Variants in GMDS observed in about 807,000 individuals in gnomAD.
The protein encoded by GMDS is GDP-mannose 4,6 dehydratase.
GMDS carries 20 observed loss-of-function variants against 49.9 expected under a neutral mutation model. The ratio of observed to expected loss-of-function variants is 0.40; its 90% CI spans 0.28 to 0.58. GMDS has a LOEUF of 0.58. Ranked by LOEUF, GMDS falls within the 20% of genes least tolerant of loss-of-function variation. The pLI is 0.42. For synonymous variants in GMDS, 177 were observed against 178.6 expected (o/e 0.99, Z 0.07); for missense variants, 362 against 481.4 (o/e 0.75, Z 2.32).
chr6:1,883,691 C>A (rs545261008), intron 7 of GMDS, among the ~76,000 whole-genome samples: 1 of 152,084 alleles, frequency 6.6e-6, no homozygotes, highest in East Asian at 1.9e-4. Flanking sequence ...CAGCTCCCCT[C>A]GTACTGAAAG....
intron 7 of GMDS, among the ~76,000 whole-genome samples, chr6:1,840,387 A>G (rs1757103807): frequency 6.6e-6 from 1 of 152,210 alleles, no homozygotes; most frequent in Admixed American, 6.5e-5. Flanking sequence ...AGTGTTAAAT[A>G]AACCCAGCAG....
intron 4 of GMDS, among the ~76,000 whole-genome samples, chr6:2,001,281 G>T (rs1261569537): frequency 6.6e-6 from 1 of 152,076 alleles, no homozygotes; most frequent in Non-Finnish European, 1.5e-5. Context: ...TTGGTCATTT[G>T]TAAATCTTTT....
chr6:1,802,212 C>T (rs548996137), intron 7 of GMDS, among the ~76,000 whole-genome samples: 54 of 152,314 alleles, frequency 3.5e-4, no homozygotes, highest in African/African-American at 1.3e-3. Flanking sequence ...TGAGAATTTA[C>T]ATTTCCCATA....
At chr6:1,736,317 G>A (rs2113468968) in intron 8 of GMDS, among the ~76,000 whole-genome samples, 1 of 152,292 alleles carries the variant, frequency 6.6e-6, no homozygotes, top group East Asian at 1.9e-4. Flanking sequence ...AGATTTCCAG[G>A]AGGGAGGTAG....
chr6:1,765,040 TC>T (rs1006779120), intron 7 of GMDS, among the ~76,000 whole-genome samples: 3 of 151,824 alleles, frequency 2.0e-5, no homozygotes, highest in African/African-American at 7.3e-5. Flanking sequence ...CACATTTTTT[TC>T]CCCCCAGTGT....
At chr6:1,751,540 C>G (rs1767733301) in intron 7 of GMDS, among the ~76,000 whole-genome samples, 1 of 152,210 alleles carries the variant, frequency 6.6e-6, no homozygotes, top group Non-Finnish European at 1.5e-5. Context: ...TGTTGCCAGG[C>G]TAGAGTGCAA....
chr6:1,812,552 A>G lies in GMDS; in HGVS notation c.772-69966T>C, dbSNP rs542437375. On this transcript the variant is annotated intron_variant, in intron 7 of 10. Coordinates refer to ENST00000380815, the MANE Select transcript of GMDS (RefSeq NM_001500.4). ...GGAGAGGGAGAGGAGGAAGAGGAAG[A>G]GAAGGGGCAGCAAAGGGGACACAGA... is the stretch of plus-strand genomic sequence containing the variant. Among the ~76,000 whole-genome samples the G allele has an allele frequency of 8.6e-5, 13 of 151,706 alleles. No individual in the cohort carries two copies. The East Asian group carries it at 2.5e-3, about 30-fold the overall frequency.
At chr6:1,785,422 G>C (rs941177043) in intron 7 of GMDS, among the ~76,000 whole-genome samples, 1 of 152,184 alleles carries the variant, frequency 6.6e-6, no homozygotes, top group African/African-American at 2.4e-5. Context: ...CCGCAATTTG[G>C]ACAGAGGTGT....
rs565146526 is a variant in GMDS at position 1,876,030 on chromosome 6, A to C, written c.771+54073T>G. Among the ~76,000 whole-genome samples the C allele has an allele frequency of 3.2e-4, 48 of 151,690 alleles. No individual in the cohort carries two copies. The South Asian group carries it at 6.5e-3, about 20-fold the overall frequency. Reference sequence around the variant, plus strand: ...AGCACTATCTCAAAAAAAAAAAAGAAAAGAAAAGAAAAAAAATGTGAGCAT... The same window carrying C: ...AGCACTATCTCAAAAAAAAAAAAGACAAGAAAAGAAAAAAAATGTGAGCAT... On this transcript the variant is annotated intron_variant, in intron 7 of 10. Coordinates refer to ENST00000380815, the MANE Select transcript of GMDS (RefSeq NM_001500.4).
At chr6:1,679,264 T>C (rs1764715539) in intron 9 of GMDS, 1 of 152,256 alleles carries the variant, frequency 6.6e-6, no homozygotes, top group South Asian at 2.1e-4. Context: ...CCTGTGCAAA[T>C]AGCCCTGTGA....
chr6:1,970,006 G>T (rs1764510148), intron 4 of GMDS, among the ~76,000 whole-genome samples: 1 of 152,150 alleles, frequency 6.6e-6, no homozygotes, highest in South Asian at 2.1e-4. Context: ...ATTCCCCAAT[G>T]ATTTCAGTAC....
intron 1 of GMDS, among the ~76,000 whole-genome samples, chr6:2,158,010 T>C (rs1178488532): frequency 1.3e-5 from 2 of 152,120 alleles, no homozygotes; most frequent in Non-Finnish European, 1.5e-5. Flanking sequence ...GTCTCTAAGA[T>C]GGTAGCTGAA....
chr6:1,913,273 C>G (rs995017676), intron 7 of GMDS, among the ~76,000 whole-genome samples: 2 of 149,776 alleles, frequency 1.3e-5, no homozygotes, highest in Admixed American at 6.6e-5. Flanking sequence ...CCCAGCTACT[C>G]GGGAGGCTGA....
intron 4 of GMDS, among the ~76,000 whole-genome samples, chr6:2,063,043 G>A (rs1474194210): frequency 6.6e-6 from 1 of 152,198 alleles, no homozygotes; most frequent in African/African-American, 2.4e-5. Flanking sequence ...CATTTGCTAT[G>A]ATGAGCCAGA....
At chr6:1,691,771 C>T (rs1765182536) in intron 9 of GMDS, among the ~76,000 whole-genome samples, 1 of 152,190 alleles carries the variant, frequency 6.6e-6, no homozygotes, top group Admixed American at 6.5e-5. Context: ...CATATCATGT[C>T]CTTTTTCTCT....
At chr6:1,755,893 A>T (rs1295919435) in intron 7 of GMDS, among the ~76,000 whole-genome samples, 2 of 152,260 alleles carry the variant, frequency 1.3e-5, no homozygotes, top group African/African-American at 4.8e-5. Flanking sequence ...TGGAAACAAA[A>T]GCCATAATTG....
chr6:1,718,421 G>A (rs1766249787), intron 9 of GMDS, among the ~76,000 whole-genome samples: 1 of 152,172 alleles, frequency 6.6e-6, no homozygotes, highest in South Asian at 2.1e-4. Flanking sequence ...TTCAGCCTCT[G>A]TCCTGGGAGT....
intron 1 of GMDS, among the ~76,000 whole-genome samples, chr6:2,240,616 AAAAAG>A (rs1561683854): frequency 6.6e-6 from 1 of 150,824 alleles, no homozygotes; most frequent in Non-Finnish European, 1.5e-5. Flanking sequence ...AAAAAAAAAA[AAAAAG>A]AAAAGAAAAA....
At chr6:1,699,411 A>T (rs1421110009) in intron 9 of GMDS, among the ~76,000 whole-genome samples, 4 of 151,920 alleles carry the variant, frequency 2.6e-5, no homozygotes, top group Non-Finnish European at 4.4e-5. Flanking sequence ...GCTAGAGGGG[A>T]GAGGCTGGAG....
Sources: allele counts gnomAD v4.1 joint callset (sites outside exome capture counted in the v4.1 genomes callset), GRCh38; gene constraint gnomAD v4.1.1; transcripts MANE v1.5; gene names NCBI Gene and HGNC (gene_info 2026-07-23, HGNC 2026-07-21).